Variants in GPHN observed in about 807,000 individuals in gnomAD.
The protein encoded by GPHN is gephyrin.
In GPHN, 17 loss-of-function variants were observed where a neutral mutation model predicts 95.5. That is an observed-to-expected ratio of 0.18 (90% CI 0.12 to 0.27). The LOEUF is 0.27. Ranked by LOEUF, GPHN falls within the 10% of genes least tolerant of loss-of-function variation. The pLI is 1.00. For missense variants in GPHN, 660 were observed against 978.1 expected (o/e 0.67, Z 4.34); for synonymous variants, 320 against 322.5 (o/e 0.99, Z 0.08).
chr14:66,931,182 A>G (rs1256908711), intron 8 of GPHN, among the ~76,000 whole-genome samples: 1 of 152,110 alleles, frequency 6.6e-6, no homozygotes, highest in Non-Finnish European at 1.5e-5. Flanking sequence ...ATTCTCTCCC[A>G]GCCTGTAAGG....
chr14:66,994,330 C>T (rs1392237375), intron 9 of GPHN, among the ~76,000 whole-genome samples: 2 of 151,920 alleles, frequency 1.3e-5, no homozygotes, highest in African/African-American at 4.8e-5. Context: ...CACGCCATTG[C>T]ACTCCAGCCT....
intron 21 of GPHN, among the ~76,000 whole-genome samples, chr14:67,177,193 C>G (rs940865471): frequency 7.9e-5 from 12 of 152,118 alleles, no homozygotes; most frequent in African/African-American, 2.7e-4. Context: ...TAGATCTTTC[C>G]TGCTTTTTCT....
the GPHN span, among the ~76,000 whole-genome samples, chr14:67,402,757 C>A: frequency 6.6e-6 from 1 of 152,182 alleles, no homozygotes; most frequent in African/African-American, 2.4e-5. Context: ...ATGACAGGAT[C>A]TCATTCTTTT....
chr14:66,946,064 T>G (rs778008562), intron 8 of GPHN, among the ~76,000 whole-genome samples: 1 of 152,198 alleles, frequency 6.6e-6, no homozygotes, highest in African/African-American at 2.4e-5. Flanking sequence ...GGATCAAATT[T>G]TGAGTTATCA....
At chr14:66,614,337 C>T (rs984435752) in intron 1 of GPHN, among the ~76,000 whole-genome samples, 1 of 152,148 alleles carries the variant, frequency 6.6e-6, no homozygotes, top group Non-Finnish European at 1.5e-5. Context: ...GTCTAACTTA[C>T]TCCAAAGCCA....
At chr14:66,517,061 G>A (rs1198486670) in intron 1 of GPHN, among the ~76,000 whole-genome samples, 1 of 133,142 alleles carries the variant, frequency 7.5e-6, no homozygotes, top group East Asian at 2.6e-4. Flanking sequence ...CCCTGAGGCA[G>A]AGATTGTAGT....
intron 2 of GPHN, among the ~76,000 whole-genome samples, chr14:66,714,335 T>A (rs1295402899): frequency 6.6e-6 from 1 of 152,250 alleles, no homozygotes; most frequent in Non-Finnish European, 1.5e-5. Context: ...CTGATTTGTG[T>A]ACATTAATTT....
chr14:67,338,462 A>G, the GPHN span: 1 of 766,152 alleles, frequency 1.3e-6, no homozygotes, highest in Non-Finnish European at 2.0e-6. Context: ...CTAAATTATG[A>G]TTCTGCAAAA....
At chr14:67,596,295 ATTTTTTTTT>A in the GPHN span, among the ~76,000 whole-genome samples, 3 of 60,228 alleles carry the variant, frequency 5.0e-5, no homozygotes, top group South Asian at 8.6e-4. Context: ...CGCCCAGCTA[ATTTTTTTTT>A]TTTTTTTTTT....
At chr14:66,596,536 C>T (rs921155156) in intron 1 of GPHN, among the ~76,000 whole-genome samples, 1 of 152,140 alleles carries the variant, frequency 6.6e-6, no homozygotes, top group Admixed American at 6.5e-5. Context: ...CTGGAGGGGG[C>T]CAAGGCATGA....
the GPHN span, among the ~76,000 whole-genome samples, chr14:67,288,501 T>C: frequency 1.3e-5 from 2 of 152,188 alleles, no homozygotes; most frequent in Admixed American, 1.3e-4. Context: ...AGACTCCATC[T>C]TTACGAAGAA....
chr14:67,387,243 C>T, the GPHN span: 1 of 1,365,348 alleles, frequency 7.3e-7, no homozygotes, highest in Non-Finnish European at 1.0e-6. Flanking sequence ...ACAAAGAAGT[C>T]AAAAGTCTTA....
At chr14:66,983,027 G>A (rs530551920) in intron 9 of GPHN, among the ~76,000 whole-genome samples, 19 of 152,228 alleles carry the variant, frequency 1.2e-4, no homozygotes, top group East Asian at 1.2e-3. Context: ...CGAGGCAGGC[G>A]GATCACATAA....
the GPHN span, among the ~76,000 whole-genome samples, chr14:67,610,800 C>G: frequency 6.6e-6 from 1 of 152,114 alleles, no homozygotes; most frequent in Non-Finnish European, 1.5e-5. Flanking sequence ...ACCAAAGTAC[C>G]CTTAAAAAAC....
At chr14:67,675,838 G>A in the GPHN span, among the ~76,000 whole-genome samples, 1 of 152,014 alleles carries the variant, frequency 6.6e-6, no homozygotes, top group Admixed American at 6.6e-5. Flanking sequence ...TGGCTCACGC[G>A]TCATCCCAGC....
At chr14:67,050,854 C>T (rs886300915) in intron 10 of GPHN, among the ~76,000 whole-genome samples, 1 of 144,532 alleles carries the variant, frequency 6.9e-6, no homozygotes, top group Non-Finnish European at 1.5e-5. Context: ...GGAGTGACAG[C>T]CAACCCAGGA....
chr14:67,663,084 C>T, the GPHN span: 6 of 1,482,574 alleles, frequency 4.0e-6, no homozygotes, highest in African/African-American at 2.8e-5. Context: ...GGTGTGGCAC[C>T]GGCAATGACT....
chr14:66,572,254 T>C (rs1004198954), intron 1 of GPHN, among the ~76,000 whole-genome samples: 1 of 152,224 alleles, frequency 6.6e-6, no homozygotes, highest in African/African-American at 2.4e-5. Context: ...GGTCGTTCCA[T>C]GTGAATTTTA....
At chr14:67,596,384 A>AC in the GPHN span, among the ~76,000 whole-genome samples, 1 of 130,374 alleles carries the variant, frequency 7.7e-6, no homozygotes, top group Non-Finnish European at 1.6e-5. Flanking sequence ...CAGGCAATCC[A>AC]CCCGCCTCAG....
Sources: gnomAD v4.1 joint callset for allele counts (sites outside exome capture counted in the v4.1 genomes callset) on GRCh38, gnomAD v4.1.1 for gene constraint, MANE v1.5 for transcripts, NCBI Gene and HGNC (gene_info 2026-07-23, HGNC 2026-07-21) for gene names.